Variants in MEGF8 observed in about 807,000 individuals in gnomAD.
The protein encoded by MEGF8 is multiple epidermal growth factor-like domains protein 8.
In MEGF8, 156 loss-of-function variants were observed where a neutral mutation model predicts 302.9. That is an observed-to-expected ratio of 0.52 (90% CI 0.45 to 0.59). The LOEUF (loss-of-function observed/expected upper bound fraction) is 0.59. MEGF8 is among the 20% of genes least tolerant of loss of function. MEGF8 has a pLI of 0.00. For synonymous variants in MEGF8, 1,621 were observed against 1,660.5 expected, an observed-to-expected ratio of 0.98 and a Z score of 0.58; for missense variants, 3,345 against 3,964.5, an observed-to-expected ratio of 0.84 and a Z score of 4.20.
Position 42,336,431 on chromosome 19 carries a change from C to T in MEGF8, c.1244+85C>T. ...CCTTTAGTCTTTAGAGGTCTTTGCC[C>T]ACTGTCGGACTCCTGTGGTCTCTCA... On this transcript the variant is annotated intron_variant, in intron 6 of 41. Coordinates refer to ENST00000251268, the MANE Select transcript of MEGF8 (RefSeq NM_001271938.2). This position sits in a 1 kb window ranked among gnomAD's most constrained non-coding sequence, Gnocchi z 4.8. 2.2e-6 allele frequency: 3 copies of T among 1,339,152 alleles called. No individual in the cohort carries two copies. Among genetic ancestry groups the T allele is most frequent in the Non-Finnish European group, 2.0e-6 (2 of 1,004,252 alleles). The allele number at this position is 1,339,152 out of a possible 1,614,324, so 83.0% of individuals were successfully genotyped here. A position where few individuals can be genotyped will look rare whatever the true frequency, so the allele number is the denominator to read the frequency against.
Position 42,354,544 on chromosome 19 carries a change from C to T in MEGF8, c.4012-44C>T. ...CTCCTCCCAGACCCCAGGTGTCGTT[C>T]TCATCCTCATTGTCTCCTAATCCTC... On this transcript the variant is annotated intron_variant, in intron 22 of 41. Transcript: ENST00000251268. The surrounding 1 kb of genome is among the most constrained non-coding windows in gnomAD (Gnocchi z 4.3). The T allele has an allele frequency of 6.3e-7, 1 of 1,583,280 alleles. No homozygotes were observed. Among genetic ancestry groups the T allele is most frequent in the South Asian group, 1.1e-5 (1 of 88,798 alleles).
In MEGF8 at chr19:42,325,930, G is replaced by A; in HGVS notation, c.-314G>A. On this transcript the variant is annotated 5_prime_UTR_variant, in exon 1 of 42. Transcript: ENST00000251268. ...GCCTGAGTCCGTAATGCTGGGCACT[G>A]TTCATGGGATCGGCCCCCTATGGAG... 1 of 311,026 alleles carries A rather than the reference G, an allele frequency of 3.2e-6. No individual in the cohort carries two copies. 19.3% of individuals were successfully genotyped at this position (311,026 alleles called of 1,614,324 possible).
chr19:42,345,077 T>G (rs537953556), intron 12 of MEGF8, among the ~76,000 whole-genome samples: 3 of 152,320 alleles, frequency 2.0e-5, no homozygotes, highest in East Asian at 3.9e-4. Flanking sequence ...GTTCAAGTGA[T>G]TCTCCTGCCT....
chr19:42,329,553 C>T (rs941204389), intron 1 of MEGF8, among the ~76,000 whole-genome samples: 8 of 152,240 alleles, frequency 5.3e-5, no homozygotes, highest in East Asian at 1.9e-4. Context: ...CCAACATCTT[C>T]CTCTATCTAT....
At chr19:42,337,528 G>A (rs796358861) in intron 8 of MEGF8, among the ~76,000 whole-genome samples, 8 of 130,138 alleles carry the variant, frequency 6.1e-5, no homozygotes, top group African/African-American at 2.4e-4. Context: ...TTTTTTTTGA[G>A]ACGGAGTCTC....
intron 23 of MEGF8, among the ~76,000 whole-genome samples, chr19:42,355,019 C>A (rs968660759): frequency 2.6e-5 from 4 of 152,190 alleles, no homozygotes; most frequent in African/African-American, 9.7e-5. Context: ...TGTAGTAGCG[C>A]AATCTCAGCT....
rs1316635489 is a variant in MEGF8, at chr19:42,344,845, G to A, written c.2097+12G>A. On this transcript the variant is annotated intron_variant, in intron 12 of 41. Transcript: ENST00000251268. The surrounding 1 kb of genome is among the most constrained non-coding windows in gnomAD (Gnocchi z 4.5). Reference sequence around the variant, plus strand: ...CCCAGCCTGACAAGGTGGGTAGGAGGCGTGGCCCTGGGTGGGGTGTTGATG... The same window carrying A: ...CCCAGCCTGACAAGGTGGGTAGGAGACGTGGCCCTGGGTGGGGTGTTGATG... 7 of 1,542,754 alleles carry A rather than the reference G, an allele frequency of 4.5e-6. No homozygotes were observed. The highest frequency in any genetic ancestry group is 3.5e-6 in the Non-Finnish European group (4 of 1,141,498).
rs994242904 is a variant in MEGF8, at chr19:42,375,387, G to A, written c.7270-120G>A. 7.7e-6 allele frequency: 8 copies of A among 1,045,462 alleles called. No homozygotes were observed. Among genetic ancestry groups the A allele is most frequent in the South Asian group, 1.7e-5 (1 of 60,202 alleles). 64.8% of individuals were successfully genotyped at this position (1,045,462 alleles called of 1,614,324 possible). On this transcript the variant is annotated intron_variant, in intron 41 of 41. Transcript: ENST00000251268. The surrounding 1 kb of genome is among the most constrained non-coding windows in gnomAD (Gnocchi z 7.1). ...ACAGGGAAGTGACTGGGGCAGTGGG[G>A]GTGAGGCCCAGGGCAATGGCTACTT...
At position 42,359,224 on chromosome 19, in the gene MEGF8, C is replaced by A. The variant is rs763524369; in HGVS notation, c.5470C>A (p.Leu1824Ile). ...CTACCAGGTCAACTGCAATGCCTGGCTTCTGCCCGACCTCACCCGTAAGTC... is the reference window on the plus strand; with the variant it reads ...CTACCAGGTCAACTGCAATGCCTGGATTCTGCCCGACCTCACCCGTAAGTC... ...LLYQVNCNAW[L>I]LPDLTRSASV... The change falls in exon 31 of 42, where the codon CTT becomes ATT. Residue 1824 changes from leucine to isoleucine, a missense_variant. Leu to Ile is a conservative substitution (Grantham distance 5, BLOSUM62 2). Transcript: ENST00000251268. The A allele has an allele frequency of 1.3e-6, 2 of 1,584,522 alleles. No homozygotes were observed. Among genetic ancestry groups the A allele is most frequent in the East Asian group, 2.3e-5 (1 of 44,116 alleles).
intron 5 of MEGF8, 68 bp from the exon 6 acceptor site, chr19:42,335,863 C>A: frequency 7.2e-7 from 1 of 1,383,316 alleles, no homozygotes; most frequent in South Asian, 1.6e-5. Flanking sequence ...CTCTGCATCT[C>A]TCTGTCTAAG....
At chr19:42,329,958 T>TC (rs1250185921) in intron 1 of MEGF8, among the ~76,000 whole-genome samples, 3 of 152,090 alleles carry the variant, frequency 2.0e-5, no homozygotes, top group Non-Finnish European at 4.4e-5. Flanking sequence ...ACTTTTTTTT[T>TC]CCGAGAGAGA....
In MEGF8 at chr19:42,344,416, GC is replaced by G. The variant is rs2039258509; in HGVS notation, c.1789-22del. On this transcript the variant is annotated intron_variant, in intron 10 of 41. Coordinates refer to ENST00000251268, the MANE Select transcript of MEGF8 (RefSeq NM_001271938.2). This position sits in a 1 kb window ranked among gnomAD's most constrained non-coding sequence, Gnocchi z 4.5. Reference sequence around the variant, plus strand: ...TCTCTTGAGCTCCAGTTGACAGTGAGCCCTTTCCCCTCTCCTCCTCGCAGTG... The same window carrying G: ...TCTCTTGAGCTCCAGTTGACAGTGAGCCTTTCCCCTCTCCTCCTCGCAGTG... The G allele has an allele frequency of 1.3e-6, 2 of 1,558,946 alleles. No individual in the cohort carries two copies. The highest frequency in any genetic ancestry group is 8.6e-7 in the Non-Finnish European group (1 of 1,157,594).
In MEGF8 at chr19:42,356,751, G is replaced by A. The variant is rs368454106; in HGVS notation, c.4623-23G>A. ...ATGCTGGGATGACTGTAATGAGGCT[G>A]CTTTTTTGCACCCTGGCCCCAGGTA... On this transcript the variant is annotated intron_variant, in intron 26 of 41. Transcript: ENST00000251268. This position sits in a 1 kb window ranked among gnomAD's most constrained non-coding sequence, Gnocchi z 5.2. 7.2e-5 allele frequency: 110 copies of A among 1,533,426 alleles called. No homozygotes were observed. Among genetic ancestry groups the A allele is most frequent in the Non-Finnish European group, 9.5e-5 (108 of 1,136,602 alleles). 95.0% of individuals were successfully genotyped at this position (1,533,426 alleles called of 1,614,324 possible). A position where few individuals can be genotyped will look rare whatever the true frequency, so the allele number is the denominator to read the frequency against.
In MEGF8 at chr19:42,351,351, G is replaced by T. The variant is rs1167146606; in HGVS notation, c.2855+17G>T. On this transcript the variant is annotated intron_variant, in intron 16 of 41. Coordinates refer to ENST00000251268, the MANE Select transcript of MEGF8 (RefSeq NM_001271938.2). This position sits in a 1 kb window ranked among gnomAD's most constrained non-coding sequence, Gnocchi z 5.6. The stretch of plus-strand genomic sequence containing the variant: ...CTGCAGCCAGTGAGTCAGGCTGGGT[G>T]CAGGGAGTGGGTGGGTGGATGTGCC... The T allele has an allele frequency of 1.3e-6, 2 of 1,567,458 alleles. No homozygotes were observed. The highest frequency in any genetic ancestry group is 1.2e-5 in the South Asian group (1 of 85,458).
At chr19:42,363,004 G>C (rs373412321) in intron 34 of MEGF8, 44 bp from the exon 35 acceptor site, 17 of 1,544,770 alleles carry the variant, frequency 1.1e-5, no homozygotes, top group East Asian at 4.6e-5. Context: ...CTGGGCTTGC[G>C]ATCTCCTGGG....
At chr19:42,340,687 A>G (rs190307372) in intron 8 of MEGF8, among the ~76,000 whole-genome samples, 3 of 151,066 alleles carry the variant, frequency 2.0e-5, no homozygotes, top group African/African-American at 7.3e-5. Context: ...ATTTTACTTG[A>G]GATGGAGTCT....
chr19:42,333,854 G>C, intron 2 of MEGF8, 86 bp downstream of exon 2: 1 of 1,563,736 alleles, frequency 6.4e-7, no homozygotes, highest in Non-Finnish European at 8.7e-7. Context: ...GGGCATCCAA[G>C]AGCAGAGCAC....
At chr19:42,332,665 C>T (rs988170930) in intron 1 of MEGF8, among the ~76,000 whole-genome samples, 1 of 152,220 alleles carries the variant, frequency 6.6e-6, no homozygotes, top group East Asian at 1.9e-4. Context: ...CGTGCCCAGC[C>T]GGCTTTGGCT....
At chr19:42,332,185 G>C (rs538867805) in intron 1 of MEGF8, among the ~76,000 whole-genome samples, 10 of 152,216 alleles carry the variant, frequency 6.6e-5, no homozygotes, top group African/African-American at 2.2e-4. Flanking sequence ...GTGCATTATT[G>C]CTCCTCATGA....
Sources: allele counts gnomAD v4.1 joint callset (sites outside exome capture counted in the v4.1 genomes callset), GRCh38; gene constraint gnomAD v4.1.1; non-coding constraint Gnocchi (gnomAD v3.1); transcripts MANE v1.5; gene names NCBI Gene and HGNC (gene_info 2026-07-23, HGNC 2026-07-21).